POGK: variants seen among roughly 807,000 people sequenced by gnomAD.
POGK encodes pogo transposable element derived with KRAB domain, also known as pogo transposable element with KRAB domain.
In POGK, 16 loss-of-function variants were observed where a neutral mutation model predicts 54.4. That is an observed-to-expected ratio of 0.29 (90% CI 0.20 to 0.45). The LOEUF is 0.45. Among genes scored for constraint, POGK ranks in the 20% least tolerant of loss-of-function variants. POGK has a pLI of 1.00. For synonymous variants in POGK, 271 were observed against 302.2 expected, an observed-to-expected ratio of 0.90 and a Z score of 1.07; for missense variants, 515 against 795.6, an observed-to-expected ratio of 0.65 and a Z score of 4.24.
chr1:166,846,419 G>A (rs1307928226), intron 2 of POGK, among the ~76,000 whole-genome samples, 193 bp from the exon 3 acceptor site: 1 of 152,200 alleles, frequency 6.6e-6, no homozygotes, highest in Non-Finnish European at 1.5e-5. Context: ...GGCACAGAAG[G>A]ACTGTGCTCT....
rs57469144 is a variant in POGK at position 166,856,344 on chromosome 1, G to GA, written c.*3789dup. On this transcript the variant is annotated 3_prime_UTR_variant, in exon 6 of 6. Transcript: ENST00000367876. ...GTGAGACCCTATCTCAAAAAGAAAA[G>GA]AAAAAAAAAAAAAAAGAAATGGCAT... 51,511 of 116,846 alleles carry GA rather than the reference G, an allele frequency of 0.44. 9,263 individuals are homozygous for GA. Among genetic ancestry groups the GA allele is most frequent in the Middle Eastern group, 0.56 (135 of 242 alleles). The allele number at this position is 116,846 out of a possible 1,614,324, so 7.2% of individuals were successfully genotyped here.
At chr1:166,841,141 C>G in intron 2 of POGK, 53 bp downstream of exon 2, 2 of 1,598,612 alleles carry the variant, frequency 1.3e-6, no homozygotes, top group Admixed American at 1.7e-5. Context: ...GCCTGAGAGC[C>G]CAGCTTGCTT....
chr1:166,851,381 C>T (rs1557902935), intron 5 of POGK: 1 of 152,340 alleles, frequency 6.6e-6, no homozygotes, highest in East Asian at 1.9e-4. Flanking sequence ...ATGACCTTCA[C>T]ATGGGCTATG....
chr1:166,840,623 C>G lies in POGK; in HGVS notation c.-2-332C>G, dbSNP rs532696182. Among the ~76,000 whole-genome samples the G allele has an allele frequency of 3.0e-4, 45 of 152,348 alleles. No individual in the cohort carries two copies. In the South Asian group the frequency reaches 7.3e-3, roughly 25 times the overall value. On this transcript the variant is annotated intron_variant, in intron 1 of 5. Coordinates refer to ENST00000367876, the MANE Select transcript of POGK (RefSeq NM_017542.5). ...CTGGCTGTGAGAAAGTACTGCCTTT[C>G]TCACTGCTTAAAACCTTTTCCAGGA...
rs944169774 is a variant in POGK, at chr1:166,853,886, TTTAC to T, written c.*1320_*1323del. On this transcript the variant is annotated 3_prime_UTR_variant, in exon 6 of 6. Transcript: ENST00000367876. ...CCAGTTTTCCCCCAAGGGGGGAAAT[TTTAC>T]TTAACCTCTAGTATTTGAACAACTC... 44 of 152,326 alleles carry T rather than the reference TTTAC, an allele frequency of 2.9e-4. No individual in the cohort carries two copies. Among genetic ancestry groups the T allele is most frequent in the African/African-American group, 1.0e-3 (43 of 41,570 alleles). 9.4% of individuals were successfully genotyped at this position (152,326 alleles called of 1,614,324 possible).
intron 3 of POGK, 51 bp from the exon 4 acceptor site, chr1:166,847,443 G>T: frequency 7.0e-7 from 1 of 1,421,786 alleles, no homozygotes; most frequent in Non-Finnish European, 9.8e-7. Context: ...TTTTGGTAGT[G>T]CTCCAGGACA....
rs757821076 is a variant in POGK, at chr1:166,849,716, T to G, written c.1137T>G (p.Asp379Glu). The change falls in exon 5 of 6, where the codon GAT becomes GAG. Residue 379 changes from aspartate (D) to glutamate (E), a missense_variant. Coordinates refer to ENST00000367876, the MANE Select transcript of POGK (RefSeq NM_017542.5). ...CLEVPSRVTV[D>E]NQGEKPVLVK... is the part of the protein sequence containing the mutation. ...AGGTGCCATCACGGGTAACTGTTGA[T>G]AACCAGGGCGAAAAGCCTGTCTTGG... is the stretch of plus-strand genomic sequence containing the variant. The G allele has an allele frequency of 2.5e-6, 4 of 1,614,146 alleles. No individual in the cohort carries two copies. The East Asian group carries it at 6.7e-5, about 27-fold the overall frequency.
intron 5 of POGK, chr1:166,851,386 G>C (rs1171994335): frequency 1.3e-5 from 2 of 152,162 alleles, no homozygotes; most frequent in East Asian, 3.8e-4. Context: ...CTTCACATGG[G>C]CTATGACAAT....
At chr1:166,847,297 C>T (rs916371058) in intron 3 of POGK, among the ~76,000 whole-genome samples, 197 bp from the exon 4 acceptor site, 3 of 151,782 alleles carry the variant, frequency 2.0e-5, no homozygotes, top group Admixed American at 2.0e-4. Flanking sequence ...TACCATCCCT[C>T]ATTAGGAGAG....
intron 1 of POGK, among the ~76,000 whole-genome samples, chr1:166,839,922 AGGCGGGGCAGGGCGGGCGGC>A (rs1029527466): frequency 1.0e-4 from 15 of 150,196 alleles, no homozygotes; most frequent in African/African-American, 3.4e-4. Flanking sequence ...GCGGTGGCGC[AGGCGGGGCAGGGCGGGCGGC>A]GGCCCTGGTT....
At chr1:166,850,474 C>A in intron 5 of POGK, 51 bp downstream of exon 5, 1 of 1,503,738 alleles carries the variant, frequency 6.7e-7, no homozygotes, top group Non-Finnish European at 8.9e-7. Flanking sequence ...TGTCTGTGTT[C>A]TACAAACACC....
rs2101780763 is a variant in POGK, at chr1:166,855,265, G to GA, written c.*2701dup. The GA allele has an allele frequency of 6.6e-6, 1 of 152,144 alleles. No individual in the cohort carries two copies. Among genetic ancestry groups the GA allele is most frequent in the Non-Finnish European group, 1.5e-5 (1 of 67,978 alleles). The allele number at this position is 152,144 out of a possible 1,614,324, so 9.4% of individuals were successfully genotyped here. On this transcript the variant is annotated 3_prime_UTR_variant, in exon 6 of 6. Coordinates refer to ENST00000367876, the MANE Select transcript of POGK (RefSeq NM_017542.5). ...TTTGCACAGTGATAAATTCCTGCAG[G>GA]AAAAAATAAGTTTTATTCTAAGTCT...
chr1:166,839,819 G>C (rs929968353), intron 1 of POGK: 8 of 150,724 alleles, frequency 5.3e-5, no homozygotes, highest in African/African-American at 1.7e-4. Context: ...CCGGGCGGAG[G>C]GGGCAGCGGA....
intron 5 of POGK, chr1:166,851,074 G>A (rs919713042): frequency 3.3e-5 from 5 of 152,180 alleles, no homozygotes; most frequent in African/African-American, 1.2e-4. Flanking sequence ...AAGAAGCATA[G>A]TCTGACGTTG....
At chr1:166,845,544 C>T (rs1657811810) in intron 2 of POGK, among the ~76,000 whole-genome samples, 1 of 151,998 alleles carries the variant, frequency 6.6e-6, no homozygotes, top group African/African-American at 2.4e-5. Context: ...TGACTGTTGG[C>T]CTGACCCCTG....
Position 166,849,645 on chromosome 1 carries a change from G to A in POGK, c.1066G>A (p.Glu356Lys), listed in dbSNP as rs2101765310. ...VLALRRAHDY[E>K]VAQMGNADET... Reference sequence around the variant, plus strand: ...GGCTCTGCGCAGGGCGCATGACTATGAGGTAGCTCAGATGGGGAATGCAGA... The same window carrying A: ...GGCTCTGCGCAGGGCGCATGACTATAAGGTAGCTCAGATGGGGAATGCAGA... Residue 356 changes from glutamate (E) to lysine (K), a missense_variant, in exon 5 of 6, where the codon GAG becomes AAG. Physicochemically the swap from Glu to Lys is moderately conservative, Grantham distance 56 (BLOSUM62 1). Coordinates refer to ENST00000367876, the MANE Select transcript of POGK (RefSeq NM_017542.5). The A allele has an allele frequency of 6.2e-7, 1 of 1,614,298 alleles. No homozygotes were observed. The highest frequency in any genetic ancestry group is 1.1e-5 in the South Asian group (1 of 91,090).
At position 166,856,206 on chromosome 1, in the gene POGK, G is replaced by C. The variant is rs1199463229; in HGVS notation, c.*3636G>C. On this transcript the variant is annotated 3_prime_UTR_variant, in exon 6 of 6. Coordinates refer to ENST00000367876, the MANE Select transcript of POGK (RefSeq NM_017542.5). ...TTAAATTAGCCGGGCATGGTGGTGT[G>C]AATCTGTAGTCCCAGCTACTTAGGA... 1.3e-5 allele frequency: 2 copies of C among 151,958 alleles called. No homozygotes were observed. Among genetic ancestry groups the C allele is most frequent in the African/African-American group, 4.8e-5 (2 of 41,354 alleles). 9.4% of individuals were successfully genotyped at this position (151,958 alleles called of 1,614,324 possible).
At position 166,846,704 on chromosome 1, in the gene POGK, C is replaced by A. The variant is rs767169030; in HGVS notation, c.225C>A (p.Val75=). The A allele has an allele frequency of 2.5e-6, 4 of 1,614,138 alleles. No homozygotes were observed. In the South Asian group the frequency reaches 3.3e-5, roughly 13 times the overall value. ...AACAAAAGGCCCTCTACCGGGAAGT[C>A]ATGAGGATGAATTATGAAACTGTCC... ...TEQQKALYRE[V]MRMNYETVLS... is the part of the protein sequence containing the mutation. Residue 75 remains valine (V), a synonymous_variant, in exon 3 of 6, where the codon GTC becomes GTA. Coordinates refer to ENST00000367876, the MANE Select transcript of POGK (RefSeq NM_017542.5).
intron 2 of POGK, among the ~76,000 whole-genome samples, chr1:166,845,528 T>C (rs1657810643): frequency 6.6e-6 from 1 of 152,054 alleles, no homozygotes; most frequent in Non-Finnish European, 1.5e-5. Flanking sequence ...GGCCAATGTA[T>C]GTAAGTGACT....
Sources: allele counts gnomAD v4.1 joint callset (sites outside exome capture counted in the v4.1 genomes callset), GRCh38; gene constraint gnomAD v4.1.1; transcripts MANE v1.5; gene names NCBI Gene and HGNC (gene_info 2026-07-23, HGNC 2026-07-21).